CBX5: variants seen among roughly 807,000 people sequenced by gnomAD.
CBX5 encodes chromobox 5, also known as chromobox protein homolog 5.
A neutral mutation model predicts 20.7 loss-of-function variants in CBX5; 7 were observed. That is an observed-to-expected ratio of 0.34 (90% CI 0.19 to 0.63). CBX5 has a LOEUF of 0.63. Among genes scored for constraint, CBX5 ranks in the 30% least tolerant of loss-of-function variants. CBX5 has a pLI of 0.75. For missense variants in CBX5, 110 were observed against 224.1 expected (o/e 0.49, Z 3.25); for synonymous variants, 78 against 77.0 (o/e 1.01, Z -0.07).
rs144118400 is a variant in CBX5 at position 54,263,561 on chromosome 12, C to T, written c.-42-5869G>A. ...CAGCCTGGCCAACATGGTGAAACCC[C>T]GTCTCTACTAAAGACACAAAAAAAT... On this transcript the variant is annotated intron_variant, in intron 1 of 4. Transcript: ENST00000209875. Among the ~76,000 whole-genome samples, 275 of 150,496 alleles carry T rather than the reference C, an allele frequency of 1.8e-3. 1 individual carries two copies. The East Asian group carries it at 0.03, about 16-fold the overall frequency.
At chr12:54,258,419 G>A (rs1943883750) in intron 1 of CBX5, 4 of 152,164 alleles carry the variant, frequency 2.6e-5, no homozygotes, top group African/African-American at 4.8e-5. Context: ...TAATTCCCAA[G>A]ATGCAACTAA....
chr12:54,248,144 C>T lies in CBX5; in HGVS notation c.325-1929G>A, dbSNP rs151275932. Among the ~76,000 whole-genome samples, 1,018 of 152,014 alleles carry T rather than the reference C, an allele frequency of 6.7e-3. 7 individuals carry two copies. Among genetic ancestry groups the T allele is most frequent in the Non-Finnish European group, 0.011 (743 of 67,976 alleles). ...AGATGTGAGCCATCACACCCGGCTACGCCTGGCTAATTTTTTGTATTTTTA... is the reference window on the plus strand; with the variant it reads ...AGATGTGAGCCATCACACCCGGCTATGCCTGGCTAATTTTTTGTATTTTTA... On this transcript the variant is annotated intron_variant, in intron 3 of 4. Transcript: ENST00000209875.
At chr12:54,259,507 AC>A (rs1158778262) in intron 1 of CBX5, 2 of 152,614 alleles carry the variant, frequency 1.3e-5, no homozygotes, top group African/African-American at 4.8e-5. Context: ...TCCTTTACCT[AC>A]CGGATCGCCC....
In CBX5 at chr12:54,234,972, A is replaced by G. The variant is rs1208207824; in HGVS notation, c.*6783T>C. 6.6e-6 allele frequency: 1 copy of G among 152,234 alleles called. No individual in the cohort carries two copies. The highest frequency in any genetic ancestry group is 6.5e-5 in the Admixed American group (1 of 15,290). The allele number at this position is 152,234 out of a possible 1,614,324, so 9.4% of individuals were successfully genotyped here. Reference sequence around the variant, plus strand: ...GTGACAAGTTGAAGTAACTCTAAAAAGACAAGATGAGGTAGATTAAAATCC... The same window carrying G: ...GTGACAAGTTGAAGTAACTCTAAAAGGACAAGATGAGGTAGATTAAAATCC... On this transcript the variant is annotated 3_prime_UTR_variant, in exon 5 of 5. Coordinates refer to ENST00000209875, the MANE Select transcript of CBX5 (RefSeq NM_012117.3).
At chr12:54,271,223 T>C (rs909145948) in intron 1 of CBX5, among the ~76,000 whole-genome samples, 3 of 152,248 alleles carry the variant, frequency 2.0e-5, no homozygotes, top group African/African-American at 4.8e-5. Flanking sequence ...GTTGGTAGTG[T>C]TGTTCAAGTC....
At chr12:54,242,308 G>C (rs529460242) in intron 4 of CBX5, among the ~76,000 whole-genome samples, 27 of 151,346 alleles carry the variant, frequency 1.8e-4, no homozygotes, top group African/African-American at 6.6e-4. Flanking sequence ...GGTGGATCAC[G>C]AGGTCAGGAG....
intron 3 of CBX5, among the ~76,000 whole-genome samples, chr12:54,250,841 A>AG (rs1943791880): frequency 5.4e-5 from 7 of 130,294 alleles, no homozygotes; most frequent in Non-Finnish European, 6.5e-5. Flanking sequence ...AAAAAAAAAA[A>AG]AAAGAAAGGG....
At chr12:54,249,159 A>G (rs1943767543) in intron 3 of CBX5, among the ~76,000 whole-genome samples, 1 of 152,174 alleles carries the variant, frequency 6.6e-6, no homozygotes, top group Non-Finnish European at 1.5e-5. Flanking sequence ...TAACGAGGTC[A>G]GGAGATTGAG....
At chr12:54,277,715 T>C (rs1786115110) in intron 1 of CBX5, among the ~76,000 whole-genome samples, 1 of 152,236 alleles carries the variant, frequency 6.6e-6, no homozygotes, top group Non-Finnish European at 1.5e-5. Flanking sequence ...GGAGATAACA[T>C]CAGGATTTAG....
rs1253954706 is a variant in CBX5, at chr12:54,239,362, T to C, written c.*2393A>G. The C allele has an allele frequency of 6.6e-6, 1 of 152,186 alleles. No individual in the cohort carries two copies. The highest frequency in any genetic ancestry group is 1.9e-4 in the East Asian group (1 of 5,202). 9.4% of individuals were successfully genotyped at this position (152,186 alleles called of 1,614,324 possible). A position where few individuals can be genotyped will look rare whatever the true frequency, so the allele number is the denominator to read the frequency against. On this transcript the variant is annotated 3_prime_UTR_variant, in exon 5 of 5. Coordinates refer to ENST00000209875, the MANE Select transcript of CBX5 (RefSeq NM_012117.3). The stretch of plus-strand genomic sequence containing the variant: ...TGTTCTTTGTCCACATACTAGGTTT[T>C]TGGTTTTAAAAATAAGGTCGCTGCA...
chr12:54,245,237 C>T (rs1212086643), intron 4 of CBX5, among the ~76,000 whole-genome samples: 1 of 151,980 alleles, frequency 6.6e-6, no homozygotes, highest in East Asian at 1.9e-4. Flanking sequence ...CCTCGAACTC[C>T]TGACCCCAAG....
rs766572968 is a variant in CBX5 at position 54,252,005 on chromosome 12, A to C, written c.324+36T>G. On this transcript the variant is annotated intron_variant, in intron 3 of 4. Coordinates refer to ENST00000209875, the MANE Select transcript of CBX5 (RefSeq NM_012117.3). ...TTATTATTATTATTTTGGTGGCAAA[A>C]GAATAGTTTTTGGGGAAAAGGGAAA... 8.1e-6 allele frequency: 12 copies of C among 1,485,540 alleles called. No homozygotes were observed. In the South Asian group the frequency reaches 1.7e-4, roughly 21 times the overall value. The allele number at this position is 1,485,540 out of a possible 1,614,324, so 92.0% of individuals were successfully genotyped here. A position where few individuals can be genotyped will look rare whatever the true frequency, so the allele number is the denominator to read the frequency against.
Position 54,239,827 on chromosome 12 carries a change from T to C in CBX5, c.*1928A>G, listed in dbSNP as rs1943657993. 1 of 152,218 alleles carries C rather than the reference T, an allele frequency of 6.6e-6. No individual in the cohort carries two copies. The highest frequency in any genetic ancestry group is 1.9e-4 in the East Asian group (1 of 5,208). The allele number at this position is 152,218 out of a possible 1,614,324, so 9.4% of individuals were successfully genotyped here. Reference sequence around the variant, plus strand: ...CTGTCACCTCAATTATGCAGTATAATTTTTGACATAATTTATATAAGCACA... The same window carrying C: ...CTGTCACCTCAATTATGCAGTATAACTTTTGACATAATTTATATAAGCACA... On this transcript the variant is annotated 3_prime_UTR_variant, in exon 5 of 5. Transcript: ENST00000209875.
intron 1 of CBX5, among the ~76,000 whole-genome samples, chr12:54,264,316 T>C (rs1943939996): frequency 6.6e-6 from 1 of 152,170 alleles, no homozygotes; most frequent in Non-Finnish European, 1.5e-5. Flanking sequence ...CCACCATGCC[T>C]GGCTACATTT....
At chr12:54,267,718 T>C (rs1366475214) in intron 1 of CBX5, among the ~76,000 whole-genome samples, 1 of 152,140 alleles carries the variant, frequency 6.6e-6, no homozygotes, top group Non-Finnish European at 1.5e-5. Context: ...GGTTTCACCG[T>C]GTTAGCCAGG....
intron 2 of CBX5, among the ~76,000 whole-genome samples, chr12:54,256,225 T>A (rs1183550414): frequency 1.3e-5 from 2 of 152,224 alleles, no homozygotes; most frequent in Non-Finnish European, 2.9e-5. Context: ...CTTTAGTTCC[T>A]ATCTGTTAGT....
At chr12:54,248,689 A>C (rs1301597446) in intron 3 of CBX5, among the ~76,000 whole-genome samples, 1 of 152,234 alleles carries the variant, frequency 6.6e-6, no homozygotes, top group Non-Finnish European at 1.5e-5. Context: ...AGTTTGCTAC[A>C]TAGGGAGGGA....
At chr12:54,265,302 T>C (rs1216912626) in intron 1 of CBX5, among the ~76,000 whole-genome samples, 1 of 152,266 alleles carries the variant, frequency 6.6e-6, no homozygotes, top group Non-Finnish European at 1.5e-5. Context: ...TCCTTGCTCT[T>C]TATGGAGCTT....
chr12:54,276,614 C>T (rs1920045), intron 1 of CBX5: 78,884 of 152,038 alleles, frequency 0.52, 22,518 homozygotes, highest in African/African-American at 0.76. Context: ...ACTCAGAAAG[C>T]AATCAAAGTT....
Sources: gnomAD v4.1 joint callset for allele counts (sites outside exome capture counted in the v4.1 genomes callset) on GRCh38, gnomAD v4.1.1 for gene constraint, MANE v1.5 for transcripts, NCBI Gene and HGNC (gene_info 2026-07-23, HGNC 2026-07-21) for gene names.